PBK: variants seen among roughly 807,000 people sequenced by gnomAD.
PBK encodes the protein lymphokine-activated killer T-cell-originated protein kinase.
Under a neutral mutation model 33.5 loss-of-function variants are expected in PBK, and 22 were observed. That is an observed-to-expected ratio of 0.66 (90% CI 0.47 to 0.94). The LOEUF is 0.94. PBK is among the 40% of genes least tolerant of loss of function. PBK has a pLI of 0.00. For synonymous variants in PBK, 129 were observed against 123.8 expected (o/e 1.04, Z -0.28); for missense variants, 376 against 383.4 (o/e 0.98, Z 0.16).
rs1372113320 is a variant in PBK, at chr8:27,829,698, T to C, written c.59-1500A>G. Among the ~76,000 whole-genome samples, 7 of 151,238 alleles carry C rather than the reference T, an allele frequency of 4.6e-5. No individual in the cohort carries two copies. In the South Asian group the frequency reaches 1.0e-3, roughly 23 times the overall value. On this transcript the variant is annotated intron_variant, in intron 2 of 7. Coordinates refer to ENST00000301905, the MANE Select transcript of PBK (RefSeq NM_018492.4). ...CTGGCCAACATGGTGAAACCCCGTC[T>C]CTACTAAAGAGGCAAAAAATTAGCC...
rs573099843 is a variant in PBK, at chr8:27,813,308, G to A, written c.596-2174C>T. Among the ~76,000 whole-genome samples the A allele has an allele frequency of 1.4e-3, 208 of 152,202 alleles. 2 individuals carry two copies. Among genetic ancestry groups the A allele is most frequent in the African/African-American group, 4.7e-3 (195 of 41,526 alleles). On this transcript the variant is annotated intron_variant, in intron 6 of 7. Transcript: ENST00000301905. ...ACAGGGTGGGGAACATCACACCCTG[G>A]GGCCTGTCATGGGGTAGGGGGGAGG...
At chr8:27,826,376 A>G (rs1806023966) in intron 3 of PBK, among the ~76,000 whole-genome samples, 1 of 152,220 alleles carries the variant, frequency 6.6e-6, no homozygotes, top group Admixed American at 6.5e-5. Flanking sequence ...CGGGATGTAA[A>G]TCAAGAAATA....
intron 6 of PBK, among the ~76,000 whole-genome samples, chr8:27,819,046 C>T (rs1327380735): frequency 6.6e-6 from 1 of 152,130 alleles, no homozygotes; most frequent in African/African-American, 2.4e-5. Flanking sequence ...TCCTGACTCT[C>T]ATGTTCTATT....
chr8:27,823,631 T>TA (rs1366743131), intron 3 of PBK, among the ~76,000 whole-genome samples: 1 of 152,072 alleles, frequency 6.6e-6, no homozygotes, highest in African/African-American at 2.4e-5. Context: ...ATTTTACCCA[T>TA]ATATCATCAT....
intron 6 of PBK, among the ~76,000 whole-genome samples, chr8:27,814,167 C>T (rs988119986): frequency 2.0e-5 from 3 of 152,110 alleles, no homozygotes; most frequent in African/African-American, 7.2e-5. Flanking sequence ...TAGAAATCAA[C>T]AGTAAAACAT....
chr8:27,818,063 T>C (rs1321428731), intron 6 of PBK, among the ~76,000 whole-genome samples: 1 of 152,158 alleles, frequency 6.6e-6, no homozygotes, highest in East Asian at 1.9e-4. Context: ...TTTTTCACCC[T>C]CCCCATAATG....
intron 2 of PBK, among the ~76,000 whole-genome samples, chr8:27,832,794 G>A (rs781166525): frequency 3.9e-5 from 6 of 152,200 alleles, no homozygotes; most frequent in Non-Finnish European, 5.9e-5. Context: ...GAAAGGTAAA[G>A]CAGTTCCTTA....
In PBK at chr8:27,810,348, G is replaced by A. The variant is rs764518967; in HGVS notation, c.926C>T (p.Pro309Leu). The change falls in exon 8 of 8, where the codon CCT (proline) becomes CTT (leucine). Residue 309 changes from proline (P) to leucine (L), a missense_variant. Transcript: ENST00000301905. The stretch of plus-strand genomic sequence containing the variant: ...AGCTTCAACAATGTGTGCAGCAGAA[G>A]GACGATCTTTAGGGTCTTCATTAGT... ...VCTNEDPKDR[P>L]SAAHIVEALE... 11 of 1,612,948 alleles carry A rather than the reference G, an allele frequency of 6.8e-6. No individual in the cohort carries two copies. Among genetic ancestry groups the A allele is most frequent in the Non-Finnish European group, 9.3e-6 (11 of 1,179,108 alleles).
chr8:27,831,211 GC>G (rs1806122885), intron 2 of PBK, among the ~76,000 whole-genome samples: 1 of 151,978 alleles, frequency 6.6e-6, no homozygotes. Context: ...AAATTAGCCG[GC>G]CATGGTGGTG....
intron 6 of PBK, 142 bp downstream of exon 6, chr8:27,820,421 CTG>C (rs1805896816): frequency 3.5e-6 from 2 of 568,530 alleles, no homozygotes. Context: ...TGCAGGCTGA[CTG>C]GGAGAGAGAG....
intron 3 of PBK, among the ~76,000 whole-genome samples, chr8:27,824,219 T>C (rs868864852): frequency 1.3e-5 from 2 of 152,262 alleles, no homozygotes; most frequent in Middle Eastern, 3.4e-3. Context: ...CTGCATATCA[T>C]TTTATTATGA....
chr8:27,810,268 GTTAT>G lies in PBK; in HGVS notation c.*33_*36del. ...CTATGTAAATATTTTGGAATAAACA[GTTAT>G]TTACGCAAGCCACACTTCAGCTGAG... On this transcript the variant is annotated 3_prime_UTR_variant, in exon 8 of 8. Coordinates refer to ENST00000301905, the MANE Select transcript of PBK (RefSeq NM_018492.4). 1 of 1,389,734 alleles carries G rather than the reference GTTAT, an allele frequency of 7.2e-7. No individual in the cohort carries two copies. Among genetic ancestry groups the G allele is most frequent in the Non-Finnish European group, 1.0e-6 (1 of 983,388 alleles). 86.1% of individuals were successfully genotyped at this position (1,389,734 alleles called of 1,614,324 possible).
intron 3 of PBK, 45 bp from the exon 4 acceptor site, chr8:27,823,250 A>G (rs769949593): frequency 8.1e-7 from 1 of 1,235,028 alleles, no homozygotes; most frequent in Non-Finnish European, 1.1e-6. Context: ...CAATAAAACC[A>G]CAATACTTTT....
chr8:27,830,681 A>T (rs73233122), intron 2 of PBK, among the ~76,000 whole-genome samples: 5,620 of 152,338 alleles, frequency 0.037, 159 homozygotes, highest in Middle Eastern at 0.071. Flanking sequence ...ATTAATTTGT[A>T]TCCAAATTTA....
In PBK at chr8:27,829,738, G is replaced by A. The variant is rs149353157; in HGVS notation, c.59-1540C>T. On this transcript the variant is annotated intron_variant, in intron 2 of 7. Coordinates refer to ENST00000301905, the MANE Select transcript of PBK (RefSeq NM_018492.4). ...AAAAATTAGCCAGGTGTGGTGGCAC[G>A]TGCCTGTAATCCCAGCTACTCGGGA... is the stretch of plus-strand genomic sequence containing the variant. Among the ~76,000 whole-genome samples the A allele has an allele frequency of 7.0e-3, 1,067 of 151,866 alleles. 6 individuals carry two copies. Among genetic ancestry groups the A allele is most frequent in the African/African-American group, 0.024 (1,005 of 41,418 alleles).
chr8:27,826,091 A>T (rs377579159), intron 3 of PBK, among the ~76,000 whole-genome samples: 46 of 152,200 alleles, frequency 3.0e-4, no homozygotes, highest in African/African-American at 1.0e-3. Flanking sequence ...GGGACAGATA[A>T]CATAAAACGG....
intron 6 of PBK, among the ~76,000 whole-genome samples, chr8:27,814,440 G>A (rs1805771722): frequency 6.6e-6 from 1 of 151,934 alleles, no homozygotes; most frequent in African/African-American, 2.4e-5. Context: ...TCTAGATAAA[G>A]CTTTATATAT....
rs6997276 is a variant in PBK at position 27,819,800 on chromosome 8, T to C, written c.595+765A>G. On this transcript the variant is annotated intron_variant, in intron 6 of 7. Transcript: ENST00000301905. ...CCTTTTACTTTCTAAAGTTCCCATT[T>C]TGTAAGTTATTTAGCATAAGGTTTC... 9.2e-3 allele frequency among the ~76,000 whole-genome samples: 1,399 copies of C among 152,266 alleles called. 25 individuals are homozygous for C. Among genetic ancestry groups the C allele is most frequent in the African/African-American group, 0.032 (1,334 of 41,550 alleles).
intron 6 of PBK, among the ~76,000 whole-genome samples, chr8:27,818,205 G>A (rs1805855133): frequency 6.6e-6 from 1 of 152,132 alleles, no homozygotes; most frequent in Non-Finnish European, 1.5e-5. Context: ...AAGTTTTTGA[G>A]GTCTGTGTTA....
Sources: gnomAD v4.1 joint callset for allele counts (sites outside exome capture counted in the v4.1 genomes callset) on GRCh38, gnomAD v4.1.1 for gene constraint, MANE v1.5 for transcripts, NCBI Gene and HGNC (gene_info 2026-07-23, HGNC 2026-07-21) for gene names.